GAB2: variants seen among roughly 807,000 people sequenced by gnomAD.
GAB2 encodes GRB2-associated-binding protein 2.
In GAB2, 26 loss-of-function variants were observed where a neutral mutation model predicts 65.5. That is an observed-to-expected ratio of 0.40 (90% CI 0.29 to 0.55). The LOEUF is 0.55. Among genes scored for constraint, GAB2 ranks in the 20% least tolerant of loss-of-function variants. GAB2 has a pLI of 0.53. For synonymous variants in GAB2, 321 were observed against 329.6 expected (o/e 0.97, Z 0.28); for missense variants, 884 against 875.8 (o/e 1.01, Z -0.12).
intron 1 of GAB2, among the ~76,000 whole-genome samples, chr11:78,371,611 G>A (rs541743711): frequency 2.6e-5 from 4 of 152,300 alleles, no homozygotes; most frequent in African/African-American, 9.6e-5. Context: ...GCAGCTCCAT[G>A]AGGATGGGAT....
In GAB2 at chr11:78,223,422, A is replaced by C; in HGVS notation, c.1557T>G (p.Pro519=). The change falls in exon 6 of 10, where the codon CCT becomes CCG. Residue 519 remains proline, a synonymous_variant. Coordinates refer to ENST00000361507, the MANE Select transcript of GAB2 (RefSeq NM_080491.3). The stretch of plus-strand genomic sequence containing the variant: ...AAAGAATGGACTTACCTTTCCGATC[A>C]GGTTTGAGGTTGCGGTTGACAGGGG... ...QPPPVNRNLK[P]DRKAKPTPLD... The C allele has an allele frequency of 1.3e-6, 2 of 1,525,608 alleles. No homozygotes were observed. Among genetic ancestry groups the C allele is most frequent in the Non-Finnish European group, 1.8e-6 (2 of 1,135,026 alleles). 94.5% of individuals were successfully genotyped at this position (1,525,608 alleles called of 1,614,324 possible).
At chr11:78,240,450 T>C (rs1349364666) in intron 3 of GAB2, among the ~76,000 whole-genome samples, 1 of 152,090 alleles carries the variant, frequency 6.6e-6, no homozygotes, top group Non-Finnish European at 1.5e-5. Flanking sequence ...CAAACAACTC[T>C]AGTGCCTTGC....
chr11:78,288,396 A>AAAAGAAG (rs1554983795), intron 1 of GAB2, among the ~76,000 whole-genome samples: 1 of 149,780 alleles, frequency 6.7e-6, no homozygotes, highest in African/African-American at 2.5e-5. Flanking sequence ...AAAAAAAAAA[A>AAAAGAAG]AAGAAGAAGA....
At chr11:78,270,732 T>C (rs1449600528) in intron 2 of GAB2, among the ~76,000 whole-genome samples, 9 of 152,200 alleles carry the variant, frequency 5.9e-5, no homozygotes, top group African/African-American at 9.7e-5. Flanking sequence ...CCTACAGACA[T>C]AGAAATCATC....
chr11:78,225,071 G>T, intron 5 of GAB2, 37 bp downstream of exon 5: 1 of 1,353,384 alleles, frequency 7.4e-7, no homozygotes, highest in Non-Finnish European at 1.1e-6. Context: ...TACCTAACCA[G>T]GCCGGCCTGA....
intron 3 of GAB2, among the ~76,000 whole-genome samples, chr11:78,233,659 T>C (rs921993226): frequency 1.4e-4 from 22 of 152,150 alleles, no homozygotes; most frequent in African/African-American, 5.1e-4. Flanking sequence ...CAAGCTAGAG[T>C]GCAGTGGTGC....
chr11:78,222,071 C>T, intron 7 of GAB2, 34 bp downstream of exon 7: 1 of 1,424,874 alleles, frequency 7.0e-7, no homozygotes, highest in Admixed American at 1.7e-5. Flanking sequence ...AATGGCCCGA[C>T]TCCAAGCTCC....
At chr11:78,334,663 C>T (rs1203064750) in intron 1 of GAB2, among the ~76,000 whole-genome samples, 1 of 152,206 alleles carries the variant, frequency 6.6e-6, no homozygotes, top group Non-Finnish European at 1.5e-5. Context: ...CTGATAGACA[C>T]TTAGGTTGTT....
At chr11:78,413,418 G>A (rs1474386387) in intron 1 of GAB2, among the ~76,000 whole-genome samples, 2 of 152,158 alleles carry the variant, frequency 1.3e-5, no homozygotes, top group Non-Finnish European at 2.9e-5. Context: ...AGAGGAAGGT[G>A]TTTTAAAAAA....
At chr11:78,238,371 C>G (rs1565120576) in intron 3 of GAB2, among the ~76,000 whole-genome samples, 1 of 151,638 alleles carries the variant, frequency 6.6e-6, no homozygotes, top group Non-Finnish European at 1.5e-5. Flanking sequence ...TGGCATATGC[C>G]TGTAGTCTCA....
intron 2 of GAB2, among the ~76,000 whole-genome samples, chr11:78,261,658 T>C (rs894813287): frequency 5.3e-5 from 8 of 152,170 alleles, no homozygotes; most frequent in African/African-American, 1.9e-4. Context: ...TTCATTCATA[T>C]TTGAAATGAA....
chr11:78,284,491 T>TC (rs1202743268), intron 1 of GAB2, among the ~76,000 whole-genome samples: 1 of 152,186 alleles, frequency 6.6e-6, no homozygotes, highest in African/African-American at 2.4e-5. Flanking sequence ...CCTGCTGCCC[T>TC]CTGCCTTGCC....
chr11:78,246,124 G>T (rs746828649), intron 3 of GAB2, among the ~76,000 whole-genome samples: 18 of 151,706 alleles, frequency 1.2e-4, no homozygotes, highest in Non-Finnish European at 2.5e-4. Context: ...TAGAGACGGG[G>T]TTTCACCATG....
Position 78,411,842 on chromosome 11 carries a change from C to T in GAB2, c.75+5804G>A, listed in dbSNP as rs1180472545. ...GTCAAGAGATTGAGACCATCCTGGC[C>T]AACATGGTGAAACCCTGTCTCTACT... On this transcript the variant is annotated intron_variant, in intron 1 of 9. Coordinates refer to ENST00000361507, the MANE Select transcript of GAB2 (RefSeq NM_080491.3). Among the ~76,000 whole-genome samples the T allele has an allele frequency of 4.6e-5, 7 of 151,882 alleles. No individual in the cohort carries two copies. The East Asian group carries it at 1.4e-3, about 29-fold the overall frequency.
intron 2 of GAB2, among the ~76,000 whole-genome samples, chr11:78,271,409 C>T (rs1367986600): frequency 2.0e-5 from 3 of 152,254 alleles, no homozygotes; most frequent in African/African-American, 7.2e-5. Context: ...GCTTTTCCTT[C>T]TAGAACATCA....
intron 1 of GAB2, among the ~76,000 whole-genome samples, chr11:78,411,168 G>T (rs995565661): frequency 2.0e-5 from 3 of 147,920 alleles, no homozygotes; most frequent in Non-Finnish European, 4.5e-5. Context: ...TTGGGGGGGG[G>T]GATGGTGGAA....
At chr11:78,287,137 A>T (rs751612109) in intron 1 of GAB2, among the ~76,000 whole-genome samples, 1 of 152,280 alleles carries the variant, frequency 6.6e-6, no homozygotes, top group East Asian at 1.9e-4. Flanking sequence ...CTGCATGATC[A>T]TATCTTTCAA....
chr11:78,266,813 G>T (rs1865887219), intron 2 of GAB2, among the ~76,000 whole-genome samples: 1 of 152,160 alleles, frequency 6.6e-6, no homozygotes, highest in Admixed American at 6.5e-5. Context: ...CTGAAAGCAG[G>T]TCCATGTCTT....
chr11:78,352,243 C>CA (rs1224338189), intron 1 of GAB2, among the ~76,000 whole-genome samples: 1 of 152,118 alleles, frequency 6.6e-6, no homozygotes, highest in Non-Finnish European at 1.5e-5. Flanking sequence ...CACAACCACA[C>CA]AAAACAACTG....
Sources: allele counts gnomAD v4.1 joint callset (sites outside exome capture counted in the v4.1 genomes callset), GRCh38; gene constraint gnomAD v4.1.1; transcripts MANE v1.5; gene names NCBI Gene and HGNC (gene_info 2026-07-23, HGNC 2026-07-21).